HIF1A: variants seen among roughly 807,000 people sequenced by gnomAD.
The protein encoded by HIF1A is hypoxia-inducible factor 1-alpha.
HIF1A carries 24 observed loss-of-function variants against 92.7 expected under a neutral mutation model. That is an observed-to-expected ratio of 0.26 (90% CI 0.19 to 0.36). HIF1A has a LOEUF of 0.36. HIF1A is among the 10% of genes least tolerant of loss of function. The pLI, the probability that HIF1A is intolerant of heterozygous loss-of-function variation, is 1.00. For missense variants in HIF1A, 799 were observed against 998.5 expected, an observed-to-expected ratio of 0.80 and a Z score of 2.69; for synonymous variants, 319 against 338.7, an observed-to-expected ratio of 0.94 and a Z score of 0.64.
chr14:61,747,219 C>A lies in HIF1A; in HGVS notation c.*134C>A. ...CAAACTTGGTTAGTTCAATTTTGAT[C>A]CCCTTTCTACTTAATTTACATTAAT... On this transcript the variant is annotated 3_prime_UTR_variant, in exon 15 of 15. Transcript: ENST00000337138. 3 of 589,570 alleles carry A rather than the reference C, an allele frequency of 5.1e-6. No individual in the cohort carries two copies. Among genetic ancestry groups the A allele is most frequent in the Non-Finnish European group, 8.6e-6 (3 of 350,570 alleles). The allele number at this position is 589,570 out of a possible 1,614,324, so 36.5% of individuals were successfully genotyped here.
chr14:61,735,244 T>C (rs2044621632), intron 8 of HIF1A, among the ~76,000 whole-genome samples: 1 of 152,226 alleles, frequency 6.6e-6, no homozygotes, highest in Admixed American at 6.5e-5. Flanking sequence ...TTGTTTACCA[T>C]CATACTCACG....
chr14:61,721,549 T>C lies in HIF1A; in HGVS notation c.267T>C (p.Asn89=), dbSNP rs748913373. ...AAGATGACATGAAAGCACAGATGAA[T>C]TGCTTTTATTTGAAAGCCTTGGATG... is the stretch of plus-strand genomic sequence containing the variant. ...DIEDDMKAQM[N]CFYLKALDGF... Residue 89 remains asparagine (N), a synonymous_variant, in exon 3 of 15, where the codon AAT becomes AAC. Transcript: ENST00000337138. The C allele has an allele frequency of 9.9e-6, 16 of 1,612,932 alleles. No individual in the cohort carries two copies. The highest frequency in any genetic ancestry group is 2.7e-5 in the African/African-American group (2 of 75,044).
At chr14:61,703,567 G>A in intron 1 of HIF1A, among the ~76,000 whole-genome samples, 1 of 151,794 alleles carries the variant, frequency 6.6e-6, no homozygotes, top group Non-Finnish European at 1.5e-5. Flanking sequence ...TGTCTGTATG[G>A]TGTGGAAGAG....
chr14:61,703,859 C>T (rs1389432578), intron 1 of HIF1A, among the ~76,000 whole-genome samples: 1 of 151,982 alleles, frequency 6.6e-6, no homozygotes, highest in Non-Finnish European at 1.5e-5. Flanking sequence ...CATTTGAATT[C>T]ATATTCTATA....
At chr14:61,721,176 G>C (rs897118151) in intron 2 of HIF1A, among the ~76,000 whole-genome samples, 3 of 152,308 alleles carry the variant, frequency 2.0e-5, no homozygotes, top group Admixed American at 2.0e-4. Flanking sequence ...AGAGGGCGGA[G>C]CTTGCAGTAA....
rs2044659106 is a variant in HIF1A, at chr14:61,737,995, C to G, written c.1250-92C>G. 3 of 1,089,520 alleles carry G rather than the reference C, an allele frequency of 2.8e-6. No homozygotes were observed. In the East Asian group the frequency reaches 7.8e-5, roughly 28 times the overall value. 67.5% of individuals were successfully genotyped at this position (1,089,520 alleles called of 1,614,324 possible). On this transcript the variant is annotated intron_variant, in intron 9 of 14. Transcript: ENST00000337138. The stretch of plus-strand genomic sequence containing the variant: ...TGAGCCAAGATTGCGCCATTGCACT[C>G]CAGCCTGGGCAACAGAGCAAGACTC...
chr14:61,733,290 T>G (rs2044598223), intron 7 of HIF1A, among the ~76,000 whole-genome samples: 1 of 152,238 alleles, frequency 6.6e-6, no homozygotes, highest in Non-Finnish European at 1.5e-5. Flanking sequence ...TTTGCCATGT[T>G]GGCCAGGCTG....
At chr14:61,710,807 T>A (rs2044297199) in intron 1 of HIF1A, among the ~76,000 whole-genome samples, 1 of 152,082 alleles carries the variant, frequency 6.6e-6, no homozygotes, top group East Asian at 1.9e-4. Context: ...ACGCCTGTAA[T>A]CCCAGCACTT....
chr14:61,747,097 AT>A lies in HIF1A; in HGVS notation c.*15del. ...ATCAAGTTAACTGAGCTTTTTCTTAATTTCATTCCTTTTTTTGGACACTGGT... is the reference window on the plus strand; with the variant it reads ...ATCAAGTTAACTGAGCTTTTTCTTAATTCATTCCTTTTTTTGGACACTGGT... On this transcript the variant is annotated 3_prime_UTR_variant, in exon 15 of 15. Coordinates refer to ENST00000337138, the MANE Select transcript of HIF1A (RefSeq NM_001530.4). 1 of 1,595,464 alleles carries A rather than the reference AT, an allele frequency of 6.3e-7. No homozygotes were observed. The highest frequency in any genetic ancestry group is 8.5e-7 in the Non-Finnish European group (1 of 1,174,590).
intron 12 of HIF1A, among the ~76,000 whole-genome samples, chr14:61,743,764 C>G (rs377033495): frequency 6.6e-6 from 1 of 152,130 alleles, no homozygotes; most frequent in African/African-American, 2.4e-5. Flanking sequence ...CAATTCTTCA[C>G]AATTTAATAT....
intron 4 of HIF1A, among the ~76,000 whole-genome samples, chr14:61,722,421 TA>T (rs1407624698): frequency 3.9e-5 from 6 of 151,958 alleles, no homozygotes; most frequent in African/African-American, 1.5e-4. Flanking sequence ...TAAATTGTGA[TA>T]GGGGTTCTTG....
chr14:61,696,934 T>C (rs777179336), intron 1 of HIF1A, among the ~76,000 whole-genome samples: 7 of 152,194 alleles, frequency 4.6e-5, no homozygotes, highest in African/African-American at 7.2e-5. Context: ...GAATTGTGAG[T>C]TGGACCAGTG....
At position 61,747,515 on chromosome 14, in the gene HIF1A, T is replaced by A. The variant is rs2044808837; in HGVS notation, c.*430T>A. 6.5e-6 allele frequency: 1 copy of A among 153,088 alleles called. No homozygotes were observed. The highest frequency in any genetic ancestry group is 1.9e-4 in the East Asian group (1 of 5,194). 9.5% of individuals were successfully genotyped at this position (153,088 alleles called of 1,614,324 possible). On this transcript the variant is annotated 3_prime_UTR_variant, in exon 15 of 15. Coordinates refer to ENST00000337138, the MANE Select transcript of HIF1A (RefSeq NM_001530.4). ...TTTTCACATTTTACATAAATAATAA[T>A]GCTTTGCCAGCAGTACGTGGTAGCC...
At chr14:61,706,415 C>T (rs1159494274) in intron 1 of HIF1A, among the ~76,000 whole-genome samples, 1 of 152,162 alleles carries the variant, frequency 6.6e-6, no homozygotes, top group African/African-American at 2.4e-5. Flanking sequence ...TAAACGCACA[C>T]TTGTTCTTGC....
In HIF1A at chr14:61,727,575, A is replaced by G. The variant is rs778931149; in HGVS notation, c.693A>G (p.Ser231=). 1.2e-6 allele frequency: 2 copies of G among 1,613,940 alleles called. No individual in the cohort carries two copies. The highest frequency in any genetic ancestry group is 1.7e-6 in the Non-Finnish European group (2 of 1,179,810). Residue 231 remains serine (S), a synonymous_variant, in exon 6 of 15, where the codon TCA becomes TCG. Coordinates refer to ENST00000337138, the MANE Select transcript of HIF1A (RefSeq NM_001530.4). ...TTTGTGAACCCATTCCTCACCCATC[A>G]AATATTGAAATTCCTTTAGATAGCA... ...VLICEPIPHP[S]NIEIPLDSKT... is the part of the protein sequence containing the mutation.
rs60361955 is a variant in HIF1A, at chr14:61,744,860, C to CGTGT, written c.2202+78_2202+81dup. On this transcript the variant is annotated intron_variant, in intron 13 of 14. Transcript: ENST00000337138. ...TGCTTTTCTAGCTAATGTGCTATTT[C>CGTGT]GTGTGTGTGTGTGTGTGTGTGTGTG... 1,309 of 531,632 alleles carry CGTGT rather than the reference C, an allele frequency of 2.5e-3. 4 individuals carry two copies. The highest frequency in any genetic ancestry group is 0.011 in the African/African-American group (577 of 50,984). 32.9% of individuals were successfully genotyped at this position (531,632 alleles called of 1,614,324 possible).
At chr14:61,745,670 A>G in intron 13 of HIF1A, 21 bp from the exon 14 acceptor site, 1 of 1,595,794 alleles carries the variant, frequency 6.3e-7, no homozygotes, top group Non-Finnish European at 8.5e-7. Context: ...ACTAAACTTG[A>G]AATAACTTTA....
At chr14:61,695,878 C>T (rs2044107440) in intron 1 of HIF1A, 39 bp downstream of exon 1, 1 of 1,544,938 alleles carries the variant, frequency 6.5e-7, no homozygotes, top group Non-Finnish European at 8.8e-7. Flanking sequence ...TCTCCCCCGG[C>T]GACCCCGCCC....
At chr14:61,720,271 G>T in intron 1 of HIF1A, 111 bp from the exon 2 acceptor site, 2 of 672,258 alleles carry the variant, frequency 3.0e-6, no homozygotes, top group Admixed American at 3.5e-5. Context: ...TAATTACATG[G>T]CATCTTCTAA....
Sources: gnomAD v4.1 joint callset for allele counts (sites outside exome capture counted in the v4.1 genomes callset) on GRCh38, gnomAD v4.1.1 for gene constraint, MANE v1.5 for transcripts, NCBI Gene and HGNC (gene_info 2026-07-23, HGNC 2026-07-21) for gene names.